DACH1: variants seen among roughly 807,000 people sequenced by gnomAD.
DACH1 encodes the protein dachshund homolog 1.
DACH1 carries 12 observed loss-of-function variants against 54.2 expected under a neutral mutation model. The ratio of observed to expected loss-of-function variants is 0.22; its 90% CI spans 0.14 to 0.36. DACH1 has a LOEUF of 0.36. DACH1 is among the 10% of genes least tolerant of loss of function. The pLI, the probability that DACH1 is intolerant of heterozygous loss-of-function variation, is 1.00. For missense variants in DACH1, 805 were observed against 929.8 expected, an observed-to-expected ratio of 0.87 and a Z score of 1.75; for synonymous variants, 386 against 366.2, an observed-to-expected ratio of 1.05 and a Z score of -0.62.
At chr13:71,837,015 CAT>C (rs1359464356) in intron 1 of DACH1, among the ~76,000 whole-genome samples, 3 of 151,880 alleles carry the variant, frequency 2.0e-5, no homozygotes, top group South Asian at 2.1e-4. Flanking sequence ...CACACACACA[CAT>C]ACACACACAC....
intron 1 of DACH1, among the ~76,000 whole-genome samples, chr13:71,708,047 A>C (rs1212545929): frequency 6.6e-6 from 1 of 152,134 alleles, no homozygotes; most frequent in East Asian, 1.9e-4. Flanking sequence ...ATCACCTATA[A>C]ATTAAAATAA....
chr13:71,855,518 A>C (rs1305009748), intron 1 of DACH1, among the ~76,000 whole-genome samples: 1 of 152,050 alleles, frequency 6.6e-6, no homozygotes, highest in Non-Finnish European at 1.5e-5. Context: ...ATAGCATAGT[A>C]CAGAAATGAA....
intron 1 of DACH1, among the ~76,000 whole-genome samples, chr13:71,687,719 C>A (rs1241868189): frequency 6.6e-6 from 1 of 152,146 alleles, no homozygotes; most frequent in African/African-American, 2.4e-5. Flanking sequence ...GGTGATCCTC[C>A]CCGCTCAGCC....
intron 1 of DACH1, among the ~76,000 whole-genome samples, chr13:71,751,415 T>A (rs1305765867): frequency 6.6e-6 from 1 of 152,224 alleles, no homozygotes; most frequent in Admixed American, 6.6e-5. Flanking sequence ...AGGACAGTGA[T>A]GTTCTATTTC....
intron 1 of DACH1, among the ~76,000 whole-genome samples, chr13:71,789,940 AG>A (rs1257682749): frequency 6.6e-6 from 1 of 152,192 alleles, no homozygotes; most frequent in African/African-American, 2.4e-5. Context: ...CAAATTTATT[AG>A]TCTATAAAAT....
intron 1 of DACH1, among the ~76,000 whole-genome samples, chr13:71,856,457 G>C (rs1398543199): frequency 6.6e-6 from 1 of 151,956 alleles, no homozygotes; most frequent in African/African-American, 2.4e-5. Context: ...AAAGGTGTCA[G>C]AGATGACAAT....
chr13:71,449,557 G>A (rs1466240288), intron 10 of DACH1, among the ~76,000 whole-genome samples: 1 of 151,818 alleles, frequency 6.6e-6, no homozygotes, highest in Non-Finnish European at 1.5e-5. Context: ...AGAGCATTAG[G>A]ACAAATACCT....
At chr13:71,472,436 A>C (rs1877164014) in intron 10 of DACH1, among the ~76,000 whole-genome samples, 1 of 152,234 alleles carries the variant, frequency 6.6e-6, no homozygotes, top group Admixed American at 6.5e-5. Context: ...GCACTCAAGC[A>C]GTAAGTATTT....
At chr13:71,733,449 C>A (rs74923539) in intron 1 of DACH1, among the ~76,000 whole-genome samples, 1 of 152,010 alleles carries the variant, frequency 6.6e-6, no homozygotes, top group Non-Finnish European at 1.5e-5. Context: ...CCCAAACTGC[C>A]GGGATTACAG....
intron 1 of DACH1, among the ~76,000 whole-genome samples, chr13:71,794,481 C>G (rs1886962926): frequency 6.6e-6 from 1 of 152,112 alleles, no homozygotes. Flanking sequence ...CTTTGTCGCC[C>G]AGGCTGGAGT....
intron 1 of DACH1, among the ~76,000 whole-genome samples, chr13:71,736,062 A>C (rs1884101343): frequency 6.6e-6 from 1 of 152,162 alleles, no homozygotes; most frequent in Non-Finnish European, 1.5e-5. Context: ...GTGTACAGAG[A>C]GTATGGAAAA....
intron 3 of DACH1, among the ~76,000 whole-genome samples, chr13:71,619,561 T>A (rs1876051677): frequency 6.6e-6 from 1 of 151,892 alleles, no homozygotes; most frequent in Non-Finnish European, 1.5e-5. Context: ...GCAGAGTAAA[T>A]GTAGAGAAAT....
intron 3 of DACH1, among the ~76,000 whole-genome samples, chr13:71,579,782 T>A (rs1046509556): frequency 6.6e-6 from 1 of 152,106 alleles, no homozygotes; most frequent in Non-Finnish European, 1.5e-5. Context: ...GGTAAAATAC[T>A]ATATGTGCAG....
chr13:71,491,135 A>G lies in DACH1; in HGVS notation c.1571-1987T>C, dbSNP rs78735635. Among the ~76,000 whole-genome samples, 9 of 152,324 alleles carry G rather than the reference A, an allele frequency of 5.9e-5. No individual in the cohort carries two copies. The East Asian group carries it at 1.3e-3, about 23-fold the overall frequency. ...TGGCTGTTGTGTGGATTAAATCATT[A>G]AATCACTCATGATGCATAAATTTAT... is the stretch of plus-strand genomic sequence containing the variant. On this transcript the variant is annotated intron_variant, in intron 6 of 10. Transcript: ENST00000613252.
Position 71,681,669 on chromosome 13 carries a change from CAT to C in DACH1, c.964+124_964+125del, listed in dbSNP as rs1274545234. 7.6e-6 allele frequency: 4 copies of C among 525,284 alleles called. No individual in the cohort carries two copies. The African/African-American group carries it at 7.7e-5, about 10-fold the overall frequency. The allele number at this position is 525,284 out of a possible 1,614,324, so 32.5% of individuals were successfully genotyped here. A position where few individuals can be genotyped will look rare whatever the true frequency, so the allele number is the denominator to read the frequency against. ...GTTTTGAAATAAATTATCTCAGTAA[CAT>C]TATCTTAGTGTGCACAAAATATAAT... On this transcript the variant is annotated intron_variant, in intron 2 of 10. Coordinates refer to ENST00000613252, the MANE Select transcript of DACH1 (RefSeq NM_080759.6).
intron 1 of DACH1, among the ~76,000 whole-genome samples, chr13:71,759,642 T>G (rs549241817): frequency 3.3e-5 from 5 of 152,168 alleles, no homozygotes; most frequent in African/African-American, 1.2e-4. Context: ...TGTCAAAAGA[T>G]TTGTTTGTGA....
At chr13:71,602,100 T>C (rs1874537056) in intron 3 of DACH1, among the ~76,000 whole-genome samples, 1 of 152,034 alleles carries the variant, frequency 6.6e-6, no homozygotes, top group Non-Finnish European at 1.5e-5. Flanking sequence ...ACCAGCTGGC[T>C]ACATTGAGCT....
At position 71,692,506 on chromosome 13, in the gene DACH1, C is replaced by CTTTTTTTTTTTTTTTTTTTTTTTTTTT. The variant is rs398023338; in HGVS notation, c.849-10623_849-10597dup. ...CCTTTCTTTTTCTTTCTTTTCTTTCCTTTTTTTTTTTTTTTTTTTTTTTTT... is the reference window on the plus strand; with the variant it reads ...CCTTTCTTTTTCTTTCTTTTCTTTCCTTTTTTTTTTTTTTTTTTTTTTTTTTTTTTTTTTTTTTTTTTTTTTTTTTTT... On this transcript the variant is annotated intron_variant, in intron 1 of 10. Transcript: ENST00000613252. Among the ~76,000 whole-genome samples, 21 of 44,438 alleles carry CTTTTTTTTTTTTTTTTTTTTTTTTTTT rather than the reference C, an allele frequency of 4.7e-4. 3 individuals carry two copies. The highest frequency in any genetic ancestry group is 1.3e-3 in the South Asian group (1 of 754). The allele number at this position is 44,438 out of a possible 152,430, so 29.2% of individuals were successfully genotyped here. A position where few individuals can be genotyped will look rare whatever the true frequency, so the allele number is the denominator to read the frequency against.
chr13:71,631,446 A>G (rs573598671), intron 2 of DACH1, among the ~76,000 whole-genome samples: 2 of 152,070 alleles, frequency 1.3e-5, no homozygotes, highest in Non-Finnish European at 2.9e-5. Context: ...TGTTTTCCTC[A>G]CTAGATTGTG....
Sources: allele counts gnomAD v4.1 joint callset (sites outside exome capture counted in the v4.1 genomes callset), GRCh38; gene constraint gnomAD v4.1.1; transcripts MANE v1.5; gene names NCBI Gene and HGNC (gene_info 2026-07-23, HGNC 2026-07-21).